ARMC9: variants seen among roughly 807,000 people sequenced by gnomAD.
The protein encoded by ARMC9 is lisH domain-containing protein ARMC9.
ARMC9 carries 94 observed loss-of-function variants against 107.0 expected under a neutral mutation model. The observed-to-expected ratio is 0.88, with a 90% confidence interval of 0.74 to 1.04. The LOEUF is 1.04. Among genes scored for constraint, ARMC9 ranks in the 50% least tolerant of loss-of-function variants. ARMC9 has a pLI of 0.00. For synonymous variants in ARMC9, 380 were observed against 396.9 expected, an observed-to-expected ratio of 0.96 and a Z score of 0.51; for missense variants, 942 against 1,030.1, an observed-to-expected ratio of 0.91 and a Z score of 1.17.
Position 231,299,249 on chromosome 2 carries a change from A to G in ARMC9, c.1773+2996A>G, listed in dbSNP as rs115503562. ...ATAGACTGTCTAGGATATAATGTCAAATAGAAAAAGGAAATCATAAAGTAA... is the reference window on the plus strand; with the variant it reads ...ATAGACTGTCTAGGATATAATGTCAGATAGAAAAAGGAAATCATAAAGTAA... On this transcript the variant is annotated intron_variant, in intron 19 of 24. Coordinates refer to ENST00000611582, the MANE Select transcript of ARMC9 (RefSeq NM_001352754.2). 4.5e-3 allele frequency among the ~76,000 whole-genome samples: 682 copies of G among 152,358 alleles called. 5 individuals carry two copies. Among genetic ancestry groups the G allele is most frequent in the African/African-American group, 0.016 (656 of 41,570 alleles).
At chr2:231,332,971 C>T (rs1227395181) in intron 20 of ARMC9, among the ~76,000 whole-genome samples, 1 of 152,188 alleles carries the variant, frequency 6.6e-6, no homozygotes, top group East Asian at 1.9e-4. Flanking sequence ...CAGCCAGAGC[C>T]TTGGGAAGGA....
intron 3 of ARMC9, among the ~76,000 whole-genome samples, chr2:231,210,697 C>A (rs953008505): frequency 2.0e-5 from 3 of 152,318 alleles, no homozygotes; most frequent in African/African-American, 7.2e-5. Flanking sequence ...GGTTTGCCAT[C>A]GCATTTCAGC....
rs1333157237 is a variant in ARMC9 at position 231,374,246 on chromosome 2, G to A, written c.*2711G>A. The A allele has an allele frequency of 1.3e-5, 2 of 152,122 alleles. No homozygotes were observed. The highest frequency in any genetic ancestry group is 2.9e-5 in the Non-Finnish European group (2 of 68,026). 9.4% of individuals were successfully genotyped at this position (152,122 alleles called of 1,614,324 possible). A position where few individuals can be genotyped will look rare whatever the true frequency, so the allele number is the denominator to read the frequency against. On this transcript the variant is annotated 3_prime_UTR_variant, in exon 25 of 25. Transcript: ENST00000611582. ...AAGGTTTGCCCTTGAAAACTACCAAGGAAGCCACAGAGAGGGATCTTTGGA... is the reference window on the plus strand; with the variant it reads ...AAGGTTTGCCCTTGAAAACTACCAAAGAAGCCACAGAGAGGGATCTTTGGA...
In ARMC9 at chr2:231,262,112, G is replaced by A. The variant is rs531556424; in HGVS notation, c.1027-194G>A. The stretch of plus-strand genomic sequence containing the variant: ...GCTGGGATTACAGGTGTGAGCCACC[G>A]TGCCCGGCCCGCATCATAGGTTCTC... On this transcript the variant is annotated intron_variant, in intron 11 of 24. Coordinates refer to ENST00000611582, the MANE Select transcript of ARMC9 (RefSeq NM_001352754.2). 7.2e-5 allele frequency among the ~76,000 whole-genome samples: 11 copies of A among 152,194 alleles called. No individual in the cohort carries two copies. In the East Asian group the frequency reaches 1.3e-3, roughly 19 times the overall value.
rs549567870 is a variant in ARMC9, at chr2:231,371,368, C to T, written c.2435-145C>T. The T allele has an allele frequency of 2.1e-4, 208 of 1,004,336 alleles. 4 individuals carry two copies. In the South Asian group the frequency reaches 3.7e-3, roughly 18 times the overall value. The allele number at this position is 1,004,336 out of a possible 1,614,324, so 62.2% of individuals were successfully genotyped here. ...GTGAGGAAAGAGCCGGCCCGCCAGTCGAGCCCAGGCCACAGAACAGGTGAC... is the reference window on the plus strand; with the variant it reads ...GTGAGGAAAGAGCCGGCCCGCCAGTTGAGCCCAGGCCACAGAACAGGTGAC... On this transcript the variant is annotated intron_variant, in intron 24 of 24. Coordinates refer to ENST00000611582, the MANE Select transcript of ARMC9 (RefSeq NM_001352754.2).
At chr2:231,281,946 C>A in intron 16 of ARMC9, 113 bp from the exon 17 acceptor site, 1 of 973,690 alleles carries the variant, frequency 1.0e-6, no homozygotes, top group Non-Finnish European at 1.6e-6. Flanking sequence ...GCTGCGAGGA[C>A]GGGAACACCC....
At chr2:231,266,703 G>A (rs2038884363) in intron 12 of ARMC9, among the ~76,000 whole-genome samples, 2 of 152,148 alleles carry the variant, frequency 1.3e-5, no homozygotes, top group South Asian at 4.1e-4. Context: ...GAATTGTACA[G>A]TATTTTTCTT....
intron 8 of ARMC9, among the ~76,000 whole-genome samples, chr2:231,237,673 G>A (rs113570324): frequency 6.9e-6 from 1 of 144,972 alleles, no homozygotes; most frequent in African/African-American, 2.6e-5. Context: ...GTAAAACTTG[G>A]CATTCTGCAT....
intron 21 of ARMC9, among the ~76,000 whole-genome samples, chr2:231,354,831 A>G (rs2045270363): frequency 6.6e-6 from 1 of 152,198 alleles, no homozygotes; most frequent in South Asian, 2.1e-4. Flanking sequence ...CCGTTGCCTT[A>G]CAGATAACTG....
At chr2:231,208,521 T>C (rs1409291694) in intron 3 of ARMC9, among the ~76,000 whole-genome samples, 1 of 152,292 alleles carries the variant, frequency 6.6e-6, no homozygotes, top group African/African-American at 2.4e-5. Context: ...ACTGAGACAA[T>C]TGTAGCCTTC....
intron 19 of ARMC9, among the ~76,000 whole-genome samples, chr2:231,298,311 G>A (rs371998692): frequency 9.9e-5 from 15 of 152,216 alleles, no homozygotes; most frequent in East Asian, 1.9e-4. Context: ...GGGGCAGTCC[G>A]GGCACAGCCG....
intron 19 of ARMC9, among the ~76,000 whole-genome samples, chr2:231,321,088 C>G (rs905950388): frequency 3.9e-5 from 6 of 152,150 alleles, no homozygotes; most frequent in Admixed American, 2.6e-4. Context: ...ATCTGTAAAG[C>G]GAGAATATTA....
intron 3 of ARMC9, among the ~76,000 whole-genome samples, chr2:231,210,478 T>C (rs1398673353): frequency 6.6e-6 from 1 of 152,246 alleles, no homozygotes; most frequent in African/African-American, 2.4e-5. Flanking sequence ...GTTGGAAGTA[T>C]AGGTGAGCAT....
chr2:231,335,462 C>T (rs78746822), intron 20 of ARMC9, among the ~76,000 whole-genome samples: 2 of 152,186 alleles, frequency 1.3e-5, no homozygotes, highest in African/African-American at 4.8e-5. Context: ...CTGTTCCCTG[C>T]AGGGCCACAC....
intron 15 of ARMC9, among the ~76,000 whole-genome samples, chr2:231,277,742 T>TAAA: frequency 6.6e-6 from 1 of 151,888 alleles, no homozygotes; most frequent in East Asian, 1.9e-4. Context: ...TTTGTATTTT[T>TAAA]AGTAGGGAGG....
chr2:231,276,616 C>T lies in ARMC9; in HGVS notation c.1335-20C>T, dbSNP rs767931271. 9.9e-6 allele frequency: 16 copies of T among 1,613,930 alleles called. No homozygotes were observed. The highest frequency in any genetic ancestry group is 2.2e-5 in the South Asian group (2 of 91,058). On this transcript the variant is annotated intron_variant, in intron 14 of 24. Coordinates refer to ENST00000611582, the MANE Select transcript of ARMC9 (RefSeq NM_001352754.2). ...AAGTTTCTTGGCAGTTTGTATTTAC[C>T]GTAGGCTCTTTCTTCCCAGGCGCCC... is the stretch of plus-strand genomic sequence containing the variant.
intron 21 of ARMC9, among the ~76,000 whole-genome samples, chr2:231,345,674 C>T (rs1210296793): frequency 1.3e-5 from 2 of 152,244 alleles, no homozygotes; most frequent in East Asian, 3.9e-4. Context: ...GTCCAGTGGG[C>T]GGTAGAGAAG....
Position 231,376,826 on chromosome 2 carries a change from C to T in ARMC9, c.*5291C>T, listed in dbSNP as rs150874273. Among the ~76,000 whole-genome samples, 2,437 of 152,226 alleles carry T rather than the reference C, an allele frequency of 0.016. 27 individuals carry two copies. Among genetic ancestry groups the T allele is most frequent in the Non-Finnish European group, 0.024 (1,653 of 68,026 alleles). ...TCCTACCAACGTGTGATGTCTCCCC[C>T]GGACACCCAGCTTTACAATTTCTCT... On this transcript the variant is annotated 3_prime_UTR_variant, in exon 25 of 25. Coordinates refer to ENST00000611582, the MANE Select transcript of ARMC9 (RefSeq NM_001352754.2).
chr2:231,253,097 T>G (rs1221027197), intron 9 of ARMC9, among the ~76,000 whole-genome samples: 1 of 145,418 alleles, frequency 6.9e-6, no homozygotes, highest in African/African-American at 2.7e-5. Context: ...TTAGTTTTTA[T>G]TTTCATTGTT....
Sources: allele counts gnomAD v4.1 joint callset (sites outside exome capture counted in the v4.1 genomes callset), GRCh38; gene constraint gnomAD v4.1.1; transcripts MANE v1.5; gene names NCBI Gene and HGNC (gene_info 2026-07-23, HGNC 2026-07-21).